ROBO2: variants seen among roughly 807,000 people sequenced by gnomAD.
ROBO2 encodes the protein roundabout guidance receptor 2.
Under a neutral mutation model 160.8 loss-of-function variants are expected in ROBO2, and 53 were observed. The ratio of observed to expected loss-of-function variants is 0.33; its 90% confidence interval spans 0.26 to 0.41. The LOEUF is 0.41. Ranked by LOEUF, ROBO2 falls within the 10% of genes least tolerant of loss-of-function variation. The pLI is 1.00. For synonymous variants in ROBO2, 664 were observed against 611.7 expected, an observed-to-expected ratio of 1.09 and a Z score of -1.26; for missense variants, 1,577 against 1,722.4, an observed-to-expected ratio of 0.92 and a Z score of 1.49.
At chr3:76,141,116 G>GCTCTCTCTCTCTCT (rs55829903) in intron 2 of ROBO2, among the ~76,000 whole-genome samples, 1 of 16,686 alleles carries the variant, frequency 6.0e-5, no homozygotes, top group African/African-American at 2.0e-4. Flanking sequence ...GAGCTACCAT[G>GCTCTCTCTCTCTCT]CTCTCTCTCT....
At position 76,831,296 on chromosome 3, in the gene ROBO2, C is replaced by CA. The variant is rs112554045; in HGVS notation, c.110-266713dup. 2.0e-3 allele frequency among the ~76,000 whole-genome samples: 299 copies of CA among 152,166 alleles called. 2 individuals carry two copies. Among genetic ancestry groups the CA allele is most frequent in the African/African-American group, 6.6e-3 (275 of 41,534 alleles). On this transcript the variant is annotated intron_variant, in intron 2 of 26. Coordinates refer to the ROBO2 transcript ENST00000487694. The stretch of plus-strand genomic sequence containing the variant: ...TGTAATAAAATGAGTATTTTCAAAT[C>CA]AAAAATATGCGATTTTGTAATATGG...
chr3:77,391,922 C>T (rs1372664547), intron 2 of ROBO2, among the ~76,000 whole-genome samples: 1 of 152,010 alleles, frequency 6.6e-6, no homozygotes, highest in Non-Finnish European at 1.5e-5. Flanking sequence ...CTTTTACTGT[C>T]ATCTATTTTC....
intron 2 of ROBO2, among the ~76,000 whole-genome samples, chr3:77,310,884 A>G (rs983589942): frequency 2.6e-5 from 4 of 152,004 alleles, no homozygotes; most frequent in African/African-American, 7.2e-5. Context: ...CAGAAACTCC[A>G]TAATGGATTA....
At chr3:77,556,161 T>C (rs891595452) in intron 8 of ROBO2, among the ~76,000 whole-genome samples, 1 of 151,866 alleles carries the variant, frequency 6.6e-6, no homozygotes, top group African/African-American at 2.4e-5. Flanking sequence ...AAATTACTCA[T>C]AGTGTTTTGT....
chr3:76,676,237 C>T (rs991403235), intron 2 of ROBO2, among the ~76,000 whole-genome samples: 9 of 152,152 alleles, frequency 5.9e-5, no homozygotes, highest in Admixed American at 1.3e-4. Context: ...GCGATTTCCC[C>T]GTGCTGTTCT....
intron 2 of ROBO2, among the ~76,000 whole-genome samples, chr3:77,461,981 C>T (rs1447399665): frequency 6.6e-6 from 1 of 152,126 alleles, no homozygotes; most frequent in Non-Finnish European, 1.5e-5. Context: ...CTGCCTCGGC[C>T]TCTCAAAGTG....
At chr3:76,217,479 A>G (rs1185791678) in intron 2 of ROBO2, among the ~76,000 whole-genome samples, 2 of 152,198 alleles carry the variant, frequency 1.3e-5, no homozygotes, top group Non-Finnish European at 2.9e-5. Context: ...GACAAAGGTG[A>G]TATCACCACC....
At chr3:77,366,489 G>A (rs927545444) in intron 2 of ROBO2, among the ~76,000 whole-genome samples, 12 of 152,052 alleles carry the variant, frequency 7.9e-5, no homozygotes, top group Admixed American at 4.6e-4. Flanking sequence ...CACCAAATCT[G>A]CCTGCACATT....
At chr3:76,406,577 T>A (rs1559895607) in intron 2 of ROBO2, among the ~76,000 whole-genome samples, 1 of 151,832 alleles carries the variant, frequency 6.6e-6, no homozygotes, top group East Asian at 1.9e-4. Context: ...TCTCATTTTT[T>A]ACAATTAGGG....
intron 2 of ROBO2, among the ~76,000 whole-genome samples, chr3:76,872,152 A>G (rs369626713): frequency 3.9e-5 from 6 of 152,176 alleles, no homozygotes; most frequent in African/African-American, 1.4e-4. Flanking sequence ...AATAGTAATT[A>G]TCAGTTGAAC....
At chr3:76,985,495 T>C (rs923614195) in intron 2 of ROBO2, among the ~76,000 whole-genome samples, 5 of 129,554 alleles carry the variant, frequency 3.9e-5, no homozygotes, top group Non-Finnish European at 7.7e-5. Flanking sequence ...GGCAGGAGAA[T>C]GGTGGGAACC....
chr3:77,577,078 C>T (rs1312710854), intron 14 of ROBO2, among the ~76,000 whole-genome samples: 1 of 151,994 alleles, frequency 6.6e-6, no homozygotes, highest in Admixed American at 6.6e-5. Context: ...ATCAGACATA[C>T]ACCGGCTCAA....
intron 2 of ROBO2, among the ~76,000 whole-genome samples, chr3:77,292,538 CT>C (rs2061427976): frequency 6.6e-6 from 1 of 151,614 alleles, no homozygotes; most frequent in African/African-American, 2.4e-5. Context: ...TAAGCTGAGG[CT>C]AGATCACCCA....
intron 2 of ROBO2, among the ~76,000 whole-genome samples, chr3:76,913,251 G>C (rs1047625613): frequency 1.3e-5 from 2 of 152,164 alleles, no homozygotes; most frequent in African/African-American, 4.8e-5. Flanking sequence ...TGGTGGGAGA[G>C]GTCTTTAGGA....
chr3:77,481,073 C>T lies in ROBO2; in HGVS notation c.547-26C>T, dbSNP rs371101033. 292 of 1,595,398 alleles carry T rather than the reference C, an allele frequency of 1.8e-4. 2 individuals carry two copies. Among genetic ancestry groups the T allele is most frequent in the Non-Finnish European group, 3.5e-5 (41 of 1,163,906 alleles). On this transcript the variant is annotated intron_variant, in intron 3 of 25. Coordinates refer to ENST00000461745, the Ensembl canonical transcript of ROBO2. Reference sequence around the variant, plus strand: ...ATTCTGTTCCTTTTTCTTCCCTTCTCTTTTCTTTTTGTTTGATTTTAACAG... The same window carrying T: ...ATTCTGTTCCTTTTTCTTCCCTTCTTTTTTCTTTTTGTTTGATTTTAACAG...
intron 2 of ROBO2, among the ~76,000 whole-genome samples, chr3:77,015,623 A>C (rs2062191916): frequency 6.6e-6 from 1 of 152,254 alleles, no homozygotes; most frequent in Admixed American, 6.5e-5. Flanking sequence ...ATGGGCCAAT[A>C]ATTTTCAAAC....
At chr3:77,494,443 T>C (rs1289320865) in intron 5 of ROBO2, among the ~76,000 whole-genome samples, 2 of 152,046 alleles carry the variant, frequency 1.3e-5, no homozygotes, top group Non-Finnish European at 1.5e-5. Flanking sequence ...CTGAGTGTGG[T>C]GGCACATACC....
At chr3:77,281,856 C>G (rs11928406) in intron 2 of ROBO2, among the ~76,000 whole-genome samples, 54,154 of 151,838 alleles carry the variant, frequency 0.36, 10,410 homozygotes, top group Non-Finnish European at 0.42. Context: ...ATACGCAGTT[C>G]ACAATAGGGT....
chr3:76,087,965 T>C (rs750203067), intron 2 of ROBO2, among the ~76,000 whole-genome samples: 1 of 152,040 alleles, frequency 6.6e-6, no homozygotes, highest in Admixed American at 6.6e-5. Context: ...AGCAATTATA[T>C]GTTATTTATA....
Sources: allele counts gnomAD v4.1 joint callset (sites outside exome capture counted in the v4.1 genomes callset), GRCh38; gene constraint gnomAD v4.1.1; transcripts MANE v1.5; gene names NCBI Gene and HGNC (gene_info 2026-07-23, HGNC 2026-07-21).